The following SVEP1 variants were observed in gnomAD, a reference collection of about 807,000 sequenced individuals.
The protein encoded by SVEP1 is sushi, von Willebrand factor type A, EGF and pentraxin domain containing 1, also known as sushi, von Willebrand factor type A, EGF and pentraxin domain-containing protein 1.
A neutral mutation model predicts 367.3 loss-of-function variants in SVEP1; 164 were observed. The observed-to-expected ratio is 0.45, with a 90% CI of 0.39 to 0.51. SVEP1 has a LOEUF of 0.51. SVEP1 is among the 20% of genes least tolerant of loss of function. SVEP1 has a pLI of 0.00. For synonymous variants in SVEP1, 1,666 were observed against 1,611.6 expected (o/e 1.03, Z -0.81); for missense variants, 4,117 against 4,425.3 (o/e 0.93, Z 1.98).
intron 40 of SVEP1, among the ~76,000 whole-genome samples, chr9:110,397,334 G>C (rs1371935026): frequency 6.6e-6 from 1 of 152,206 alleles, no homozygotes; most frequent in Non-Finnish European, 1.5e-5. Context: ...GGTATTGATG[G>C]GACGTATCTC....
rs1554715834 is a variant in SVEP1 at position 110,447,960 on chromosome 9, G to GGA, written c.4104-904_4104-903insTC. Among the ~76,000 whole-genome samples, 598 of 149,686 alleles carry GGA rather than the reference G, an allele frequency of 4.0e-3. 4 individuals carry two copies. The highest frequency in any genetic ancestry group is 0.014 in the African/African-American group (555 of 40,770). On this transcript the variant is annotated intron_variant, in intron 24 of 47. Coordinates refer to ENST00000374469, the MANE Select transcript of SVEP1 (RefSeq NM_153366.4). ...ATACTTGAAAATATCATGCTGAGTG[G>GGA]AAAAAAAAACCGAATTGCAAAAAGA...
intron 3 of SVEP1, among the ~76,000 whole-genome samples, chr9:110,521,190 G>C (rs967025199): frequency 6.6e-6 from 1 of 152,176 alleles, no homozygotes; most frequent in African/African-American, 2.4e-5. Flanking sequence ...TTCTTTTTAT[G>C]AGGCAGCCAA....
chr9:110,504,391 T>C (rs1372230413), intron 5 of SVEP1, among the ~76,000 whole-genome samples: 1 of 152,126 alleles, frequency 6.6e-6, no homozygotes, highest in African/African-American at 2.4e-5. Context: ...GCTGTCTCAA[T>C]TGAGAGAGTA....
chr9:110,457,371 A>C lies in SVEP1; in HGVS notation c.3577-19T>G. Reference sequence around the variant, plus strand: ...GGAAAACCTACCAGTAGCATAAAAAAATCAATCAGAGACAAAGCACTCTAT... The same window carrying C: ...GGAAAACCTACCAGTAGCATAAAAACATCAATCAGAGACAAAGCACTCTAT... On this transcript the variant is annotated intron_variant, in intron 20 of 47. Coordinates refer to ENST00000374469, the MANE Select transcript of SVEP1 (RefSeq NM_153366.4). 1 of 1,575,694 alleles carries C rather than the reference A, an allele frequency of 6.3e-7. No individual in the cohort carries two copies. Among genetic ancestry groups the C allele is most frequent in the Non-Finnish European group, 8.7e-7 (1 of 1,149,378 alleles).
intron 40 of SVEP1, among the ~76,000 whole-genome samples, chr9:110,398,801 T>C (rs997546630): frequency 6.6e-6 from 1 of 152,148 alleles, no homozygotes; most frequent in Non-Finnish European, 1.5e-5. Flanking sequence ...TGAGATGCCA[T>C]CTCACACCAG....
At chr9:110,549,641 A>C (rs1363612767) in intron 2 of SVEP1, among the ~76,000 whole-genome samples, 1 of 152,144 alleles carries the variant, frequency 6.6e-6, no homozygotes, top group Non-Finnish European at 1.5e-5. Context: ...GCTGCTAAGA[A>C]AAAAAACAAA....
chr9:110,461,166 G>A (rs1192031713), intron 18 of SVEP1, among the ~76,000 whole-genome samples: 1 of 152,088 alleles, frequency 6.6e-6, no homozygotes, highest in African/African-American at 2.4e-5. Context: ...ACTAAAAATG[G>A]CCTCAAACAT....
chr9:110,572,793 A>AAAAAAAAAAAAAAAAAAAAAAAAAAT (rs1830581646), intron 1 of SVEP1, among the ~76,000 whole-genome samples: 1 of 47,632 alleles, frequency 2.1e-5, no homozygotes, highest in African/African-American at 5.0e-5. Flanking sequence ...CTCTCACAAA[A>AAAAAAAAAAAAAAAAAAAAAAAAAAT]AAAAAAAAAA....
In SVEP1 at chr9:110,432,493, C is replaced by A; in HGVS notation, c.5202G>T (p.Gly1734=). The part of the protein sequence containing the change: ...GDSRMFCTDN[G]SWNGVSPSCL... ...AGGATGGTGAAACGCCGTTCCAGCTCCCATTATCTGTACAGAACATCCTTG... is the reference window on the plus strand; with the variant it reads ...AGGATGGTGAAACGCCGTTCCAGCTACCATTATCTGTACAGAACATCCTTG... The change falls in exon 31 of 48, where the codon GGG becomes GGT. Residue 1734 remains glycine, a synonymous_variant. Coordinates refer to ENST00000374469, the MANE Select transcript of SVEP1 (RefSeq NM_153366.4). 6.2e-7 allele frequency: 1 copy of A among 1,613,506 alleles called. No homozygotes were observed. The highest frequency in any genetic ancestry group is 8.5e-7 in the Non-Finnish European group (1 of 1,179,714).
At chr9:110,410,402 T>C (rs1050901648) in intron 37 of SVEP1, among the ~76,000 whole-genome samples, 3 of 152,208 alleles carry the variant, frequency 2.0e-5, no homozygotes, top group Non-Finnish European at 4.4e-5. Flanking sequence ...CAAAACAGAA[T>C]TGTAAAAACT....
At chr9:110,482,933 A>G (rs891569828) in intron 10 of SVEP1, among the ~76,000 whole-genome samples, 1 of 152,234 alleles carries the variant, frequency 6.6e-6, no homozygotes, top group Admixed American at 6.5e-5. Flanking sequence ...AAAATAAAAG[A>G]TTTAATTTTA....
At chr9:110,433,052 C>T (rs1564141311) in intron 30 of SVEP1, among the ~76,000 whole-genome samples, 1 of 152,090 alleles carries the variant, frequency 6.6e-6, no homozygotes, top group Non-Finnish European at 1.5e-5. Flanking sequence ...CCTCTCCCTC[C>T]ACTGTCTCTC....
intron 40 of SVEP1, among the ~76,000 whole-genome samples, chr9:110,398,151 C>G (rs372283756): frequency 6.6e-6 from 1 of 151,956 alleles, no homozygotes; most frequent in Non-Finnish European, 1.5e-5. Flanking sequence ...GAGATATAGA[C>G]CAATGGAACA....
intron 41 of SVEP1, among the ~76,000 whole-genome samples, 198 bp downstream of exon 41, chr9:110,389,319 AGTTAATT>A (rs762971546): frequency 4.6e-5 from 7 of 152,148 alleles, no homozygotes; most frequent in Non-Finnish European, 8.8e-5. Context: ...GTCCTATTGC[AGTTAATT>A]GTTAATCCCT....
At chr9:110,435,409 A>T in intron 28 of SVEP1, 45 bp from the exon 29 acceptor site, 1 of 1,601,132 alleles carries the variant, frequency 6.2e-7, no homozygotes, top group Non-Finnish European at 8.5e-7. Flanking sequence ...TTGTTCCATT[A>T]AGATGGAGTT....
rs539239917 is a variant in SVEP1, at chr9:110,500,214, C to G, written c.1484-976G>C. On this transcript the variant is annotated intron_variant, in intron 6 of 47. Transcript: ENST00000374469. ...CAAGAAATGGTTTGTCTCTTTATTT[C>G]TGCACGGTGTGAACTGCATGCCATC... is the stretch of plus-strand genomic sequence containing the variant. Among the ~76,000 whole-genome samples, 8 of 152,192 alleles carry G rather than the reference C, an allele frequency of 5.3e-5. 1 individual carries two copies. The South Asian group carries it at 1.5e-3, about 28-fold the overall frequency.
intron 39 of SVEP1, among the ~76,000 whole-genome samples, chr9:110,403,391 G>A (rs552673657): frequency 1.5e-4 from 19 of 130,302 alleles, no homozygotes; most frequent in Admixed American, 2.9e-4. Context: ...TGCAACCTCC[G>A]CATCCTGGGT....
rs1829492955 is a variant in SVEP1 at position 110,499,121 on chromosome 9, A to G, written c.1601T>C (p.Ile534Thr). Reference sequence around the variant, plus strand: ...CAGCATTTCTTTGACTCCAGATAAAATGAACCCTTGGCGGCAACTTACATA... The same window carrying G: ...CAGCATTTCTTTGACTCCAGATAAAGTGAACCCTTGGCGGCAACTTACATA... ...ICYVSCRQGF[I>T]LSGVKEMLRC... is the part of the protein sequence containing the mutation. Residue 534 changes from isoleucine to threonine, a missense_variant, in exon 7 of 48, where the codon ATT (isoleucine) becomes ACT (threonine). Ile to Thr is a moderately conservative substitution (Grantham distance 89, BLOSUM62 -1). This residue lies in a region of SVEP1 where 2,174 missense variants were observed against 2,494.3 expected (regional missense o/e 0.87). Transcript: ENST00000374469. 1 of 1,613,686 alleles carries G rather than the reference A, an allele frequency of 6.2e-7. No homozygotes were observed. Among genetic ancestry groups the G allele is most frequent in the Admixed American group, 1.7e-5 (1 of 59,940 alleles).
intron 36 of SVEP1, among the ~76,000 whole-genome samples, chr9:110,426,255 C>G (rs1400860298): frequency 6.6e-6 from 1 of 152,204 alleles, no homozygotes; most frequent in African/African-American, 2.4e-5. Context: ...ATTGTTGCCA[C>G]CTGCTGGCAG....
Sources: gnomAD v4.1 joint callset for allele counts (sites outside exome capture counted in the v4.1 genomes callset) on GRCh38, gnomAD v4.1.1 for gene constraint, gnomAD v4.1.1 regional missense constraint, MANE v1.5 for transcripts, NCBI Gene and HGNC (gene_info 2026-07-23, HGNC 2026-07-21) for gene names.